Variants in TACC1 observed in about 807,000 individuals in gnomAD.
TACC1 encodes the protein transforming acidic coiled-coil-containing protein 1.
In TACC1, 48 loss-of-function variants were observed where a neutral mutation model predicts 84.4. That is an observed-to-expected ratio of 0.57 (90% CI 0.45 to 0.72). The LOEUF is 0.72. Among genes scored for constraint, TACC1 ranks in the 30% least tolerant of loss-of-function variants. The pLI, the probability that TACC1 is intolerant of heterozygous loss-of-function variation, is 0.00. For missense variants in TACC1, 920 were observed against 973.0 expected (o/e 0.95, Z 0.72); for synonymous variants, 372 against 376.3 (o/e 0.99, Z 0.13).
At chr8:38,764,131 G>A (rs534035499) in intron 3 of TACC1, among the ~76,000 whole-genome samples, 29 of 152,224 alleles carry the variant, frequency 1.9e-4, no homozygotes, top group African/African-American at 7.0e-4. Flanking sequence ...AGGCTGGAGT[G>A]CAATGGTGCA....
intron 2 of TACC1, among the ~76,000 whole-genome samples, chr8:38,801,087 T>C (rs557069144): frequency 2.4e-4 from 36 of 152,260 alleles, no homozygotes; most frequent in Non-Finnish European, 4.7e-4. Flanking sequence ...TTCCCCACTT[T>C]TTAATTAGGT....
intron 6 of TACC1, 132 bp downstream of exon 6, chr8:38,831,309 C>A: frequency 1.1e-6 from 1 of 899,370 alleles, no homozygotes. Context: ...ATAGTTTCTT[C>A]ACTTGAGGAA....
chr8:38,789,888 T>C (rs1311131481), intron 2 of TACC1, among the ~76,000 whole-genome samples: 1 of 152,154 alleles, frequency 6.6e-6, no homozygotes, highest in East Asian at 1.9e-4. Context: ...GTCAGCGTGG[T>C]CAGAGGAGGT....
chr8:38,780,334 A>G (rs1815684173), intron 3 of TACC1, among the ~76,000 whole-genome samples: 1 of 152,090 alleles, frequency 6.6e-6, no homozygotes, highest in South Asian at 2.1e-4. Flanking sequence ...TTCTCCTTAC[A>G]TATTGTAACA....
chr8:38,847,498 T>C (rs1832533381), intron 12 of TACC1, among the ~76,000 whole-genome samples: 1 of 152,242 alleles, frequency 6.6e-6, no homozygotes, highest in African/African-American at 2.4e-5. Flanking sequence ...GCATTTCCAA[T>C]TATGTACTCA....
intron 4 of TACC1, among the ~76,000 whole-genome samples, chr8:38,826,043 A>T (rs532937823): frequency 6.6e-6 from 1 of 152,222 alleles, no homozygotes; most frequent in Non-Finnish European, 1.5e-5. Flanking sequence ...GCCCAGGCCC[A>T]TCTGATTGCA....
chr8:38,798,486 CCT>C (rs1446774023), intron 2 of TACC1, among the ~76,000 whole-genome samples: 1 of 151,892 alleles, frequency 6.6e-6, no homozygotes, highest in Non-Finnish European at 1.5e-5. Flanking sequence ...TAGCTGGTGC[CCT>C]GTCTCTTAAA....
chr8:38,729,500 A>C (rs1387526570), intron 1 of TACC1, among the ~76,000 whole-genome samples: 2 of 152,230 alleles, frequency 1.3e-5, no homozygotes, highest in South Asian at 4.1e-4. Context: ...TGGCTTCTGC[A>C]TAAGGAGTAC....
At chr8:38,818,868 C>G (rs1826036227) in intron 2 of TACC1, among the ~76,000 whole-genome samples, 1 of 151,630 alleles carries the variant, frequency 6.6e-6, no homozygotes, top group Non-Finnish European at 1.5e-5. Context: ...GCCTCCATCT[C>G]CCGGGTTCAA....
At chr8:38,812,266 A>G (rs1287629054) in intron 2 of TACC1, among the ~76,000 whole-genome samples, 1 of 152,052 alleles carries the variant, frequency 6.6e-6, no homozygotes, top group Non-Finnish European at 1.5e-5. Context: ...TTGGCCTCAG[A>G]AGCATGTGAT....
At chr8:38,826,062 C>A (rs1441364046) in intron 4 of TACC1, among the ~76,000 whole-genome samples, 1 of 152,124 alleles carries the variant, frequency 6.6e-6, no homozygotes, top group Non-Finnish European at 1.5e-5. Context: ...CAATGAGATC[C>A]TTTTGTTCTT....
chr8:38,748,941 A>G (rs1435882951), intron 3 of TACC1, among the ~76,000 whole-genome samples: 1 of 152,090 alleles, frequency 6.6e-6, no homozygotes, highest in Non-Finnish European at 1.5e-5. Flanking sequence ...TAATAAAGAT[A>G]ATGACAGACA....
chr8:38,757,349 C>T (rs1810287437), intron 3 of TACC1: 1 of 1,267,604 alleles, frequency 7.9e-7, no homozygotes, highest in Non-Finnish European at 1.0e-6. Flanking sequence ...GGCTCCCACT[C>T]TCAGACCCCG....
In TACC1 at chr8:38,821,615, C is replaced by T. The variant is rs575337928; in HGVS notation, c.1391+980C>T. Among the ~76,000 whole-genome samples the T allele has an allele frequency of 2.6e-5, 4 of 152,320 alleles. No homozygotes were observed. The South Asian group carries it at 8.3e-4, about 32-fold the overall frequency. ...TTGGTTTAGTCAATCCCCCATCTCT[C>T]CTGGGAAATTATCTGACTTTTGCAA... On this transcript the variant is annotated intron_variant, in intron 3 of 12. Coordinates refer to ENST00000317827, the MANE Select transcript of TACC1 (RefSeq NM_006283.3).
intron 2 of TACC1, among the ~76,000 whole-genome samples, chr8:38,817,632 A>C (rs1322382637): frequency 6.6e-6 from 1 of 152,168 alleles, no homozygotes; most frequent in Non-Finnish European, 1.5e-5. Context: ...GTTTTAACAC[A>C]TTTTAGTATT....
At chr8:38,797,023 T>A (rs117212118) in intron 2 of TACC1, among the ~76,000 whole-genome samples, 1,742 of 152,338 alleles carry the variant, frequency 0.011, 15 homozygotes, top group Middle Eastern at 0.027. Context: ...GGCTCAAGAA[T>A]CCTCTCCTAA....
chr8:38,818,434 A>T (rs1825922819), intron 2 of TACC1, among the ~76,000 whole-genome samples: 1 of 152,164 alleles, frequency 6.6e-6, no homozygotes, highest in Non-Finnish European at 1.5e-5. Flanking sequence ...TGCTTTAACG[A>T]AATTACCTCA....
At chr8:38,812,255 A>T (rs1824360475) in intron 2 of TACC1, among the ~76,000 whole-genome samples, 1 of 152,018 alleles carries the variant, frequency 6.6e-6, no homozygotes, top group African/African-American at 2.4e-5. Flanking sequence ...TGTGATCTTT[A>T]TTGGCCTCAG....
chr8:38,796,801 C>T (rs1820103593), intron 2 of TACC1, among the ~76,000 whole-genome samples: 1 of 152,158 alleles, frequency 6.6e-6, no homozygotes, highest in South Asian at 2.1e-4. Context: ...AGGGGCTCTG[C>T]GCCTGTTTTA....
Sources: gnomAD v4.1 joint callset for allele counts (sites outside exome capture counted in the v4.1 genomes callset) on GRCh38, gnomAD v4.1.1 for gene constraint, MANE v1.5 for transcripts, NCBI Gene and HGNC (gene_info 2026-07-23, HGNC 2026-07-21) for gene names.